Variants in DCAF8L2 observed in about 807,000 individuals in gnomAD.
The protein encoded by DCAF8L2 is DDB1- and CUL4-associated factor 8-like protein 2.
For synonymous variants in DCAF8L2, 200 were observed against 190.9 expected, an observed-to-expected ratio of 1.05 and a Z score of -0.39; for missense variants, 430 against 490.7, an observed-to-expected ratio of 0.88 and a Z score of 1.17.
the DCAF8L2 span, among the ~76,000 whole-genome samples, chrX:27,564,654 G>C: frequency 9.1e-6 from 1 of 109,631 alleles, no homozygotes; most frequent in Non-Finnish European, 1.9e-5. Context: ...GACTGGAAAT[G>C]GGTCAATGGG....
At chrX:27,580,737 T>C in the DCAF8L2 span, among the ~76,000 whole-genome samples, 1 of 111,678 alleles carries the variant, frequency 9.0e-6, no homozygotes, top group Non-Finnish European at 1.9e-5. Context: ...AAAGGAAATA[T>C]AAATGTTAGA....
At chrX:27,706,879 CA>C (rs1198735726) in intron 3 of DCAF8L2, among the ~76,000 whole-genome samples, 1 of 111,857 alleles carries the variant, frequency 8.9e-6, no homozygotes, top group Non-Finnish European at 1.9e-5. Flanking sequence ...GGAAACAACC[CA>C]AATATCCATC....
chrX:27,517,560 T>C, the DCAF8L2 span, among the ~76,000 whole-genome samples: 1 of 110,750 alleles, frequency 9.0e-6, no homozygotes, highest in Admixed American at 9.6e-5. Context: ...CTCCATTCCC[T>C]GGACCAAAAG....
intron 1 of DCAF8L2, among the ~76,000 whole-genome samples, chrX:27,617,222 G>T (rs748213613): frequency 9.0e-6 from 1 of 111,124 alleles, no homozygotes; most frequent in Admixed American, 9.7e-5. Context: ...ACATAGATTT[G>T]CCCTGACCTT....
At chrX:27,518,490 A>T in the DCAF8L2 span, 1 of 424,268 alleles carries the variant, frequency 2.4e-6, no homozygotes, top group South Asian at 3.3e-5. Flanking sequence ...CCTGTAATCC[A>T]GCACTTTGGG....
chrX:27,739,979 G>A (rs1025503811), intron 4 of DCAF8L2, among the ~76,000 whole-genome samples: 3 of 111,301 alleles, frequency 2.7e-5, no homozygotes, highest in Non-Finnish European at 5.7e-5. Flanking sequence ...GTTCACAGAC[G>A]GATGGCTAAT....
intron 3 of DCAF8L2, among the ~76,000 whole-genome samples, chrX:27,687,861 G>A (rs1311620891): frequency 9.0e-6 from 1 of 111,129 alleles, no homozygotes; most frequent in East Asian, 2.8e-4. Flanking sequence ...CTTTATAAAG[G>A]TATCTGTCTT....
rs761150025 is a variant in DCAF8L2, at chrX:27,590,991, T to TTTTATATATATATATATATATA, written c.-342+552_-342+553insTTATATATATATATATATATAT. On this transcript the variant is annotated intron_variant, in intron 1 of 4. Transcript: ENST00000451261. Reference sequence around the variant, plus strand: ...AAATGTTTATAAAAGCCTTTACATTTTATATATATATATATATATATATAA... The same window carrying TTTTATATATATATATATATATA: ...AAATGTTTATAAAAGCCTTTACATTTTTTATATATATATATATATATATATATATATATATATATATATATAA... Among the ~76,000 whole-genome samples the TTTTATATATATATATATATATA allele has an allele frequency of 3.8e-4, 26 of 68,049 alleles. 1 individual carries two copies. In the Admixed American group the frequency reaches 4.6e-3, roughly 12 times the overall value. The allele number at this position is 68,049 out of a possible 115,157, so 59.1% of individuals were successfully genotyped here.
intron 2 of DCAF8L2, among the ~76,000 whole-genome samples, chrX:27,652,127 T>C (rs1929177190): frequency 9.0e-6 from 1 of 110,859 alleles, no homozygotes; most frequent in Non-Finnish European, 1.9e-5. Context: ...GAGTTTCATT[T>C]TGTTCATTTA....
At chrX:27,723,199 A>G (rs1280315455) in intron 4 of DCAF8L2, among the ~76,000 whole-genome samples, 1 of 110,616 alleles carries the variant, frequency 9.0e-6, no homozygotes, top group African/African-American at 3.3e-5. Flanking sequence ...TAAAATTTAT[A>G]AATAACCAAA....
At chrX:27,674,536 G>A (rs1602722472) in intron 2 of DCAF8L2, among the ~76,000 whole-genome samples, 2 of 111,143 alleles carry the variant, frequency 1.8e-5, no homozygotes, top group Admixed American at 1.9e-4. Flanking sequence ...AACCTATAAA[G>A]ATGTGCACAC....
At chrX:27,527,842 G>A in the DCAF8L2 span, among the ~76,000 whole-genome samples, 1 of 108,725 alleles carries the variant, frequency 9.2e-6, no homozygotes, top group African/African-American at 3.3e-5. Context: ...AGTAGAGACA[G>A]GTTTTCACCA....
chrX:27,605,071 TAG>T (rs1926811157), intron 1 of DCAF8L2, among the ~76,000 whole-genome samples: 1 of 111,538 alleles, frequency 9.0e-6, no homozygotes, highest in Non-Finnish European at 1.9e-5. Flanking sequence ...TTCAAGTGTC[TAG>T]AGTCAGATGG....
chrX:27,746,026 T>C (rs1444702775), intron 4 of DCAF8L2, among the ~76,000 whole-genome samples: 1 of 111,895 alleles, frequency 8.9e-6, no homozygotes, highest in Non-Finnish European at 1.9e-5. Context: ...ACTACTTCTA[T>C]CTCAAATAGG....
At chrX:27,581,137 G>A in the DCAF8L2 span, among the ~76,000 whole-genome samples, 1 of 111,354 alleles carries the variant, frequency 9.0e-6, no homozygotes, top group Admixed American at 9.5e-5. Context: ...GACCTTATAC[G>A]GCTTATGGCA....
chrX:27,687,500 C>G (rs1240979907), intron 3 of DCAF8L2, among the ~76,000 whole-genome samples: 2 of 111,633 alleles, frequency 1.8e-5, no homozygotes, highest in African/African-American at 6.5e-5. Context: ...TATATCAGCA[C>G]TATAATAATA....
the DCAF8L2 span, among the ~76,000 whole-genome samples, chrX:27,581,768 G>A: frequency 9.0e-6 from 1 of 111,069 alleles, no homozygotes; most frequent in Non-Finnish European, 1.9e-5. Context: ...TTTTTTGGTA[G>A]AGATGGGGTT....
the DCAF8L2 span, among the ~76,000 whole-genome samples, chrX:27,483,307 A>G: frequency 1.8e-5 from 2 of 111,565 alleles, no homozygotes; most frequent in South Asian, 3.7e-4. Context: ...TGGGCCTGGA[A>G]TGTTCACAAT....
chrX:27,627,372 T>C (rs982432589), intron 1 of DCAF8L2: 1 of 111,026 alleles, frequency 9.0e-6, no homozygotes, highest in Non-Finnish European at 1.9e-5. Flanking sequence ...GTATAATTGA[T>C]ATGCAAATGA....
Sources: gnomAD v4.1 joint callset for allele counts (sites outside exome capture counted in the v4.1 genomes callset) on GRCh38, gnomAD v4.1.1 for gene constraint, MANE v1.5 for transcripts, NCBI Gene and HGNC (gene_info 2026-07-23, HGNC 2026-07-21) for gene names.